The following DPP6 variants were observed in gnomAD, a reference collection of about 807,000 sequenced individuals.
DPP6 encodes the protein dipeptidyl peptidase like 6, also known as A-type potassium channel modulatory protein DPP6.
A neutral mutation model predicts 122.6 loss-of-function variants in DPP6; 69 were observed. The observed-to-expected ratio is 0.56, with a 90% CI of 0.46 to 0.69. DPP6 has a LOEUF of 0.69. DPP6 is among the 30% of genes least tolerant of loss of function. The pLI is 0.00. For synonymous variants in DPP6, 418 were observed against 433.1 expected, an observed-to-expected ratio of 0.97 and a Z score of 0.43; for missense variants, 928 against 1,116.9, an observed-to-expected ratio of 0.83 and a Z score of 2.41.
chr7:154,324,867 A>C lies in DPP6; in HGVS notation c.244-121347A>C, dbSNP rs76206315. On this transcript the variant is annotated intron_variant, in intron 1 of 25. Coordinates refer to ENST00000377770, the MANE Select transcript of DPP6 (RefSeq NM_130797.4). Reference sequence around the variant, plus strand: ...TCTTTCTTTCTTCTTTCCTTTTGTTATTTTTTTTTTTTTTTTGAGTCTTGC... The same window carrying C: ...TCTTTCTTTCTTCTTTCCTTTTGTTCTTTTTTTTTTTTTTTTGAGTCTTGC... Among the ~76,000 whole-genome samples, 2 of 113,086 alleles carry C rather than the reference A, an allele frequency of 1.8e-5. 1 individual carries two copies. Among genetic ancestry groups the C allele is most frequent in the Non-Finnish European group, 3.4e-5 (2 of 58,054 alleles). 74.2% of individuals were successfully genotyped at this position (113,086 alleles called of 152,430 possible).
chr7:153,843,988 C>A, the DPP6 span, among the ~76,000 whole-genome samples: 1 of 152,126 alleles, frequency 6.6e-6, no homozygotes, highest in Non-Finnish European at 1.5e-5. Flanking sequence ...AGGTGCCCCC[C>A]ATGCATCCGT....
chr7:153,964,983 CCTTCCTTCCTTCCTTTCTT>C lies in DPP6; in HGVS notation c.51+77251_51+77269del, dbSNP rs1220858423. Among the ~76,000 whole-genome samples, 326 of 61,374 alleles carry C rather than the reference CCTTCCTTCCTTCCTTTCTT, an allele frequency of 5.3e-3. 14 individuals carry two copies. Among genetic ancestry groups the C allele is most frequent in the Admixed American group, 7.4e-3 (36 of 4,894 alleles). 40.3% of individuals were successfully genotyped at this position (61,374 alleles called of 152,430 possible). ...TTCTTTCTTTCATTTCTTTTCCCTT[CCTTCCTTCCTTCCTTTCTT>C]CCTTCCTTCCTTCCTTCCTTCCTTC... On this transcript the variant is annotated intron_variant, in intron 1 of 25. Coordinates refer to the DPP6 transcript ENST00000404039.
chr7:154,763,757 A>G (rs981423268), intron 8 of DPP6, among the ~76,000 whole-genome samples: 1 of 152,220 alleles, frequency 6.6e-6, no homozygotes, highest in African/African-American at 2.4e-5. Flanking sequence ...ATTTCCCTTC[A>G]GCCTCACGTC....
chr7:154,597,876 C>T (rs1833195849), intron 5 of DPP6, among the ~76,000 whole-genome samples: 2 of 152,138 alleles, frequency 1.3e-5, no homozygotes, highest in Admixed American at 6.5e-5. Flanking sequence ...TTCGTCTTCA[C>T]ATGGTGCTCT....
In DPP6 at chr7:154,282,941, G is replaced by C. The variant is rs1279441480; in HGVS notation, c.244-163273G>C. Among the ~76,000 whole-genome samples the C allele has an allele frequency of 6.6e-6, 1 of 152,100 alleles. No individual in the cohort carries two copies. The highest frequency in any genetic ancestry group is 1.9e-4 in the East Asian group (1 of 5,172). ...AGGGTCACAACATGTCTGATGCCTA[G>C]CTCTGGACTCAAGGGCATCAGACAT... On this transcript the variant is annotated intron_variant, in intron 1 of 25. Transcript: ENST00000377770. This position sits in a 1 kb window ranked among gnomAD's most constrained non-coding sequence, Gnocchi z 4.8.
intron 7 of DPP6, among the ~76,000 whole-genome samples, chr7:154,682,736 T>C (rs1839359456): frequency 6.6e-6 from 1 of 152,204 alleles, no homozygotes; most frequent in Non-Finnish European, 1.5e-5. Context: ...GATTGATTAT[T>C]AGAGGTTAAT....
chr7:154,264,386 C>T (rs1334394425), intron 1 of DPP6, among the ~76,000 whole-genome samples: 2 of 152,120 alleles, frequency 1.3e-5, no homozygotes, highest in African/African-American at 2.4e-5. Flanking sequence ...CGATTAAGAA[C>T]AATGGCTCCA....
At chr7:154,423,396 C>T (rs1022389469) in intron 1 of DPP6, among the ~76,000 whole-genome samples, 1 of 152,082 alleles carries the variant, frequency 6.6e-6, no homozygotes, top group Non-Finnish European at 1.5e-5. Flanking sequence ...GCTCTGTCCT[C>T]AGGTGTCAGC....
At chr7:153,946,564 T>C (rs1297627774) in intron 1 of DPP6, among the ~76,000 whole-genome samples, 1 of 152,138 alleles carries the variant, frequency 6.6e-6, no homozygotes, top group Admixed American at 6.5e-5. Context: ...CTTTGTGACT[T>C]GTATCTTGTG....
chr7:154,568,792 G>T (rs1436682857), intron 5 of DPP6, among the ~76,000 whole-genome samples: 1 of 152,090 alleles, frequency 6.6e-6, no homozygotes, highest in East Asian at 1.9e-4. Flanking sequence ...CTCAACTGAA[G>T]GAAAACCTAG....
At chr7:154,795,580 G>A (rs1484084948) in intron 11 of DPP6, among the ~76,000 whole-genome samples, 3 of 152,096 alleles carry the variant, frequency 2.0e-5, no homozygotes, top group African/African-American at 4.8e-5. Context: ...TTTCCACCAC[G>A]GGTTTGTCCT....
intron 8 of DPP6, among the ~76,000 whole-genome samples, chr7:154,740,830 C>T (rs764923578): frequency 7.9e-5 from 12 of 152,064 alleles, no homozygotes. Context: ...CTGGGAGAAC[C>T]TTTATTAGAT....
intron 16 of DPP6, among the ~76,000 whole-genome samples, chr7:154,847,801 C>G (rs1036050015): frequency 1.3e-5 from 2 of 152,156 alleles, no homozygotes. Context: ...ACCCTTCGAC[C>G]GATAACTCCC....
At chr7:153,813,987 A>ATGGTAGTT in the DPP6 span, among the ~76,000 whole-genome samples, 1 of 151,876 alleles carries the variant, frequency 6.6e-6, no homozygotes, top group Non-Finnish European at 1.5e-5. Flanking sequence ...GTTCACTCTG[A>ATGGTAGTT]TGGTAGTTTC....
chr7:153,886,306 G>A (rs1050621615), upstream of DPP6, among the ~76,000 whole-genome samples: 3 of 152,306 alleles, frequency 2.0e-5, no homozygotes, highest in Middle Eastern at 3.4e-3. Flanking sequence ...TGATTGATGG[G>A]AACAGCGCCC....
At chr7:153,965,917 A>G (rs375386304) in intron 1 of DPP6, among the ~76,000 whole-genome samples, 1 of 151,888 alleles carries the variant, frequency 6.6e-6, no homozygotes, top group East Asian at 1.9e-4. Context: ...GCCGGTGTTC[A>G]TTTAATTTTT....
At chr7:154,669,507 G>A in intron 7 of DPP6, 66 bp downstream of exon 7, 1 of 1,540,966 alleles carries the variant, frequency 6.5e-7, no homozygotes, top group Non-Finnish European at 8.7e-7. Flanking sequence ...TAAGCTGAAT[G>A]GATCTCACTG....
chr7:154,889,630 C>T (rs919469634), intron 25 of DPP6, 100 bp downstream of exon 25: 47 of 1,524,626 alleles, frequency 3.1e-5, no homozygotes, highest in East Asian at 1.2e-4. Context: ...GCAGCAGACA[C>T]GCCTGTGCTG....
chr7:154,641,366 A>G (rs1166100271), intron 6 of DPP6, among the ~76,000 whole-genome samples: 3 of 152,240 alleles, frequency 2.0e-5, no homozygotes, highest in Non-Finnish European at 4.4e-5. Context: ...GCGGAACTAA[A>G]GCTAGTTATT....
Sources: gnomAD v4.1 joint callset for allele counts (sites outside exome capture counted in the v4.1 genomes callset) on GRCh38, gnomAD v4.1.1 for gene constraint, Gnocchi (gnomAD v3.1) non-coding constraint, MANE v1.5 for transcripts, NCBI Gene and HGNC (gene_info 2026-07-23, HGNC 2026-07-21) for gene names.